The following ETV6 variants were observed in gnomAD, a reference collection of about 807,000 sequenced individuals.
ETV6 encodes the protein transcription factor ETV6.
ETV6 carries 16 observed loss-of-function variants against 51.1 expected under a neutral mutation model. That is an observed-to-expected ratio of 0.31 (90% CI 0.21 to 0.48). ETV6 has a LOEUF of 0.48. Ranked by LOEUF, ETV6 falls within the 20% of genes least tolerant of loss-of-function variation. The pLI is 0.99. For synonymous variants in ETV6, 240 were observed against 224.1 expected, an observed-to-expected ratio of 1.07 and a Z score of -0.64; for missense variants, 458 against 594.8, an observed-to-expected ratio of 0.77 and a Z score of 2.39.
At chr12:11,729,152 T>TATAA in intron 1 of ETV6, among the ~76,000 whole-genome samples, 1 of 152,356 alleles carries the variant, frequency 6.6e-6, no homozygotes, top group African/African-American at 2.4e-5. Context: ...GAACTAGCTT[T>TATAA]AGCCTTATCA....
chr12:11,755,402 G>A (rs2710271), intron 2 of ETV6, among the ~76,000 whole-genome samples: 152,325 of 152,334 alleles, frequency 1, 76,158 homozygotes, highest in Non-Finnish European at 1. Flanking sequence ...CTCCTTGGTA[G>A]TCTGCATGAG....
At chr12:11,817,711 C>T (rs566907119) in intron 2 of ETV6, among the ~76,000 whole-genome samples, 18 of 152,306 alleles carry the variant, frequency 1.2e-4, no homozygotes, top group African/African-American at 4.3e-4. Flanking sequence ...GCCCCCATGC[C>T]AGCTCAAGAG....
chr12:11,832,938 T>C (rs1344784871), intron 2 of ETV6, among the ~76,000 whole-genome samples: 3 of 152,200 alleles, frequency 2.0e-5, no homozygotes, highest in African/African-American at 7.2e-5. Flanking sequence ...CAGTAACCTG[T>C]GGAGGTGACA....
At chr12:11,870,249 G>A (rs557671187) in intron 5 of ETV6, among the ~76,000 whole-genome samples, 5 of 152,216 alleles carry the variant, frequency 3.3e-5, no homozygotes, top group East Asian at 3.9e-4. Flanking sequence ...AAGGCTAAGC[G>A]AAAACATTTA....
At chr12:11,846,335 G>A (rs982123226) in intron 3 of ETV6, among the ~76,000 whole-genome samples, 15 of 152,076 alleles carry the variant, frequency 9.9e-5, no homozygotes, top group African/African-American at 3.1e-4. Context: ...GATAATCTAC[G>A]TGTAAGGATA....
intron 2 of ETV6, among the ~76,000 whole-genome samples, chr12:11,767,463 C>A (rs962372281): frequency 2.6e-5 from 4 of 151,916 alleles, no homozygotes; most frequent in African/African-American, 9.7e-5. Context: ...CAGCATGGCT[C>A]GACTCTGTGG....
At chr12:11,734,158 T>TA (rs745788118) in intron 1 of ETV6, among the ~76,000 whole-genome samples, 2 of 152,166 alleles carry the variant, frequency 1.3e-5, no homozygotes, top group East Asian at 3.8e-4. Flanking sequence ...TTCTCCCTGC[T>TA]AAAAAACAGT....
chr12:11,672,638 T>G (rs1861484), intron 1 of ETV6, among the ~76,000 whole-genome samples: 2,230 of 152,304 alleles, frequency 0.015, 20 homozygotes, highest in Non-Finnish European at 0.022. Flanking sequence ...TTTTAAGAGA[T>G]AATCAGCAAC....
At chr12:11,837,759 T>C (rs953050446) in intron 2 of ETV6, among the ~76,000 whole-genome samples, 2 of 152,232 alleles carry the variant, frequency 1.3e-5, no homozygotes, top group Non-Finnish European at 2.9e-5. Flanking sequence ...GAGCTATTGA[T>C]TCACACCATG....
chr12:11,827,539 C>T (rs1489414201), intron 2 of ETV6, among the ~76,000 whole-genome samples: 1 of 152,112 alleles, frequency 6.6e-6, no homozygotes, highest in Non-Finnish European at 1.5e-5. Context: ...TCTCCCAGCC[C>T]CCGCGCCCTG....
intron 1 of ETV6, among the ~76,000 whole-genome samples, chr12:11,747,473 G>T (rs951666848): frequency 1.3e-5 from 2 of 152,156 alleles, no homozygotes; most frequent in Admixed American, 6.5e-5. Context: ...ATCAAAATTT[G>T]CATTTGAGTC....
At chr12:11,671,830 C>T (rs568290887) in intron 1 of ETV6, among the ~76,000 whole-genome samples, 12 of 151,872 alleles carry the variant, frequency 7.9e-5, no homozygotes, top group Admixed American at 2.0e-4. Context: ...GCTGTATTTT[C>T]GAAATAACAG....
At chr12:11,857,889 G>A (rs752187158) in intron 4 of ETV6, among the ~76,000 whole-genome samples, 7 of 152,178 alleles carry the variant, frequency 4.6e-5, no homozygotes, top group Admixed American at 1.3e-4. Context: ...CCCACATTAC[G>A]TCCAAGGAAC....
At chr12:11,687,150 G>T (rs926798990) in intron 1 of ETV6, among the ~76,000 whole-genome samples, 1 of 151,630 alleles carries the variant, frequency 6.6e-6, no homozygotes, top group Admixed American at 6.6e-5. Context: ...GCTTTCCAAA[G>T]TGGTGGGATT....
chr12:11,691,234 C>G (rs1864755690), intron 1 of ETV6, among the ~76,000 whole-genome samples: 1 of 152,128 alleles, frequency 6.6e-6, no homozygotes, highest in East Asian at 1.9e-4. Context: ...TCTCTAAATA[C>G]CATCACATTG....
At chr12:11,750,254 T>TAGTAAATTAC (rs1865995628) in intron 1 of ETV6, among the ~76,000 whole-genome samples, 1 of 152,250 alleles carries the variant, frequency 6.6e-6, no homozygotes, top group Non-Finnish European at 1.5e-5. Context: ...AATGATAATT[T>TAGTAAATTAC]AGTAAATTAC....
intron 1 of ETV6, among the ~76,000 whole-genome samples, chr12:11,662,078 T>G (rs1436450777): frequency 6.6e-6 from 1 of 152,184 alleles, no homozygotes; most frequent in Non-Finnish European, 1.5e-5. Context: ...CACCTGGTAG[T>G]ACACCTGTCT....
intron 3 of ETV6, among the ~76,000 whole-genome samples, chr12:11,842,747 C>A (rs1946409289): frequency 6.6e-6 from 1 of 152,184 alleles, no homozygotes; most frequent in Non-Finnish European, 1.5e-5. Context: ...AGGGTAGATT[C>A]ATTGGCTTAC....
chr12:11,746,021 T>A (rs757859853), intron 1 of ETV6, among the ~76,000 whole-genome samples: 121 of 152,124 alleles, frequency 8.0e-4, no homozygotes, highest in Non-Finnish European at 1.8e-4. Context: ...AGAGTCCCCT[T>A]CCGTCAGCTG....
Sources: gnomAD v4.1 joint callset for allele counts (sites outside exome capture counted in the v4.1 genomes callset) on GRCh38, gnomAD v4.1.1 for gene constraint, MANE v1.5 for transcripts, NCBI Gene and HGNC (gene_info 2026-07-23, HGNC 2026-07-21) for gene names.